The following EYS variants were observed in gnomAD, a reference collection of about 807,000 sequenced individuals.
EYS encodes the protein protein eyes shut homolog.
EYS carries 250 observed loss-of-function variants against 282.1 expected under a neutral mutation model. That is an observed-to-expected ratio of 0.89 (90% CI 0.80 to 0.98). The LOEUF is 0.98. Ranked by LOEUF, EYS falls within the 50% of genes least tolerant of loss-of-function variation. The pLI is 0.00. For missense variants in EYS, 4,016 were observed against 3,709.0 expected, an observed-to-expected ratio of 1.08 and a Z score of -2.15; for synonymous variants, 1,355 against 1,282.9, an observed-to-expected ratio of 1.06 and a Z score of -1.20.
At chr6:63,981,246 A>T (rs1388270975) in intron 35 of EYS, among the ~76,000 whole-genome samples, 1 of 151,702 alleles carries the variant, frequency 6.6e-6, no homozygotes, top group African/African-American at 2.4e-5. Context: ...AGGGTTGGGT[A>T]TTGGTGGGAA....
At chr6:64,968,087 G>T (rs1362845844) in intron 14 of EYS, among the ~76,000 whole-genome samples, 1 of 152,052 alleles carries the variant, frequency 6.6e-6, no homozygotes, top group African/African-American at 2.4e-5. Context: ...AGACAAATTT[G>T]TACCCTCTCT....
intron 30 of EYS, among the ~76,000 whole-genome samples, chr6:64,253,469 A>G (rs1767288709): frequency 6.6e-6 from 1 of 152,214 alleles, no homozygotes; most frequent in Non-Finnish European, 1.5e-5. Flanking sequence ...AGAGCAACAA[A>G]CACTTGCACA....
chr6:65,595,004 T>C (rs564693229), intron 2 of EYS, among the ~76,000 whole-genome samples: 7 of 152,120 alleles, frequency 4.6e-5, no homozygotes, highest in Non-Finnish European at 8.8e-5. Flanking sequence ...GAGGGCTCTG[T>C]TCTGTTCCAT....
At chr6:65,125,031 G>A (rs1775677565) in intron 12 of EYS, among the ~76,000 whole-genome samples, 1 of 152,140 alleles carries the variant, frequency 6.6e-6, no homozygotes, top group Admixed American at 6.6e-5. Flanking sequence ...CTAGTAGCAG[G>A]AAAGCTTTAA....
At chr6:63,978,465 G>A (rs1394974331) in intron 35 of EYS, among the ~76,000 whole-genome samples, 1 of 151,908 alleles carries the variant, frequency 6.6e-6, no homozygotes. Context: ...TAAGAAGAAG[G>A]GTTAAATATT....
chr6:64,204,497 A>G (rs1363308337), intron 31 of EYS, among the ~76,000 whole-genome samples: 1 of 152,158 alleles, frequency 6.6e-6, no homozygotes, highest in African/African-American at 2.4e-5. Context: ...TGGGAAATAT[A>G]CAATGAAATA....
chr6:63,950,772 C>A (rs1201556437), intron 35 of EYS, among the ~76,000 whole-genome samples: 1 of 151,986 alleles, frequency 6.6e-6, no homozygotes, highest in Non-Finnish European at 1.5e-5. Context: ...CTTCTCCAAC[C>A]TCTCTATCCC....
chr6:64,167,393 C>T (rs1336544133), intron 31 of EYS, among the ~76,000 whole-genome samples: 1 of 152,160 alleles, frequency 6.6e-6, no homozygotes, highest in Non-Finnish European at 1.5e-5. Flanking sequence ...ATGATAAGAA[C>T]TTTTCACAAC....
intron 12 of EYS, among the ~76,000 whole-genome samples, chr6:65,243,172 G>C (rs1438549363): frequency 6.6e-6 from 1 of 151,904 alleles, no homozygotes; most frequent in Non-Finnish European, 1.5e-5. Context: ...TTGTTTTTTT[G>C]TGTGTTTATC....
chr6:63,933,540 G>A (rs1443321981), intron 35 of EYS, among the ~76,000 whole-genome samples: 1 of 152,136 alleles, frequency 6.6e-6, no homozygotes, highest in African/African-American at 2.4e-5. Context: ...TCATTATGTA[G>A]GCATAATTGA....
chr6:63,801,164 G>A (rs1770774018), intron 37 of EYS, among the ~76,000 whole-genome samples: 1 of 152,134 alleles, frequency 6.6e-6, no homozygotes, highest in African/African-American at 2.4e-5. Context: ...TAACAAAGAG[G>A]AGAATAGAGG....
chr6:64,054,047 A>T (rs1770901285), intron 33 of EYS, among the ~76,000 whole-genome samples: 1 of 152,132 alleles, frequency 6.6e-6, no homozygotes, highest in Non-Finnish European at 1.5e-5. Context: ...ACTTGTTTAT[A>T]TTGTGTTGAT....
intron 12 of EYS, among the ~76,000 whole-genome samples, chr6:65,122,122 T>C (rs769230371): frequency 2.6e-5 from 4 of 152,134 alleles, no homozygotes. Context: ...TATTGAATCT[T>C]GAATTGGGAC....
intron 36 of EYS, among the ~76,000 whole-genome samples, chr6:63,808,328 G>A (rs1770958019): frequency 6.6e-6 from 1 of 152,168 alleles, no homozygotes; most frequent in Non-Finnish European, 1.5e-5. Context: ...AGAGTGGAAG[G>A]AAATGAAACA....
At chr6:64,887,622 T>C (rs2150063903) in intron 18 of EYS, among the ~76,000 whole-genome samples, 1 of 152,182 alleles carries the variant, frequency 6.6e-6, no homozygotes, top group Non-Finnish European at 1.5e-5. Context: ...CTCTTCCTAA[T>C]TAACTTCACT....
rs1027124329 is a variant in EYS, at chr6:64,143,675, T to G, written c.6425-61673A>C. Among the ~76,000 whole-genome samples the G allele has an allele frequency of 2.0e-5, 3 of 152,142 alleles. No individual in the cohort carries two copies. The East Asian group carries it at 5.8e-4, about 29-fold the overall frequency. On this transcript the variant is annotated intron_variant, in intron 31 of 42. Coordinates refer to ENST00000503581, the MANE Select transcript of EYS (RefSeq NM_001142800.2). ...AGACCCTGTCCCCAGCTCCTGGGCA[T>G]GGATGTTCTCGGCTTATCAGCCAGA...
chr6:64,570,974 TA>T (rs1765707360), intron 26 of EYS, among the ~76,000 whole-genome samples: 1 of 152,118 alleles, frequency 6.6e-6, no homozygotes, highest in African/African-American at 2.4e-5. Flanking sequence ...CAACAGAATA[TA>T]CATTCTTCTC....
intron 30 of EYS, among the ~76,000 whole-genome samples, chr6:64,266,454 A>G (rs1459555107): frequency 1.3e-5 from 2 of 152,164 alleles, no homozygotes; most frequent in African/African-American, 4.8e-5. Flanking sequence ...CAAAAATTAT[A>G]TTCCTCAGGG....
chr6:64,270,090 G>C (rs1190635325), intron 30 of EYS, among the ~76,000 whole-genome samples: 1 of 151,990 alleles, frequency 6.6e-6, no homozygotes, highest in Non-Finnish European at 1.5e-5. Context: ...AACACAAAAT[G>C]CAGCCTTAGT....
Sources: gnomAD v4.1 joint callset for allele counts (sites outside exome capture counted in the v4.1 genomes callset) on GRCh38, gnomAD v4.1.1 for gene constraint, MANE v1.5 for transcripts, NCBI Gene and HGNC (gene_info 2026-07-23, HGNC 2026-07-21) for gene names.